ST6GALNAC3: variants seen among roughly 807,000 people sequenced by gnomAD.
ST6GALNAC3 encodes alpha-N-acetylgalactosaminide alpha-2,6-sialyltransferase 3.
ST6GALNAC3 carries 25 observed loss-of-function variants against 32.7 expected under a neutral mutation model. That is an observed-to-expected ratio of 0.76 (90% CI 0.56 to 1.07). The LOEUF (loss-of-function observed/expected upper bound fraction) is 1.07. ST6GALNAC3 is among the 50% of genes least tolerant of loss of function. The pLI, the probability that ST6GALNAC3 is intolerant of heterozygous loss-of-function variation, is 0.00. For missense variants in ST6GALNAC3, 355 were observed against 382.4 expected, an observed-to-expected ratio of 0.93 and a Z score of 0.60; for synonymous variants, 129 against 133.1, an observed-to-expected ratio of 0.97 and a Z score of 0.21.
chr1:76,419,331 A>G (rs530215686), intron 3 of ST6GALNAC3, among the ~76,000 whole-genome samples: 11 of 152,272 alleles, frequency 7.2e-5, no homozygotes, highest in African/African-American at 2.6e-4. Context: ...TGTATGCTCA[A>G]CAGTTCTCTA....
rs537200385 is a variant in ST6GALNAC3, at chr1:76,283,322, T to A, written c.19-30483T>A. On this transcript the variant is annotated intron_variant, in intron 1 of 4. Coordinates refer to ENST00000328299, the MANE Select transcript of ST6GALNAC3 (RefSeq NM_152996.4). Reference sequence around the variant, plus strand: ...CTCACATTGAGCTTTGCTATACTACTTTGTTACCTGAATTGGTAATGGTTT... The same window carrying A: ...CTCACATTGAGCTTTGCTATACTACATTGTTACCTGAATTGGTAATGGTTT... Among the ~76,000 whole-genome samples the A allele has an allele frequency of 7.2e-5, 11 of 152,330 alleles. No homozygotes were observed. In the South Asian group the frequency reaches 2.3e-3, roughly 32 times the overall value.
At chr1:76,238,185 A>G (rs1480848721) in intron 1 of ST6GALNAC3, among the ~76,000 whole-genome samples, 2 of 152,144 alleles carry the variant, frequency 1.3e-5, no homozygotes, top group South Asian at 2.1e-4. Context: ...TAGTTCCCAC[A>G]CTGTGCTTCC....
chr1:76,413,530 AT>A (rs1170016705), intron 3 of ST6GALNAC3, among the ~76,000 whole-genome samples: 6 of 152,124 alleles, frequency 3.9e-5, no homozygotes, highest in Non-Finnish European at 5.9e-5. Context: ...TCTGGATGTA[AT>A]TTGAATGCTG....
chr1:76,484,840 A>G (rs1443624382), intron 3 of ST6GALNAC3, among the ~76,000 whole-genome samples: 1 of 152,148 alleles, frequency 6.6e-6, no homozygotes, highest in Non-Finnish European at 1.5e-5. Flanking sequence ...CCCATTCAGT[A>G]TGATATTGGC....
At chr1:76,519,849 CATAA>C (rs977374105) in intron 3 of ST6GALNAC3, among the ~76,000 whole-genome samples, 1 of 151,360 alleles carries the variant, frequency 6.6e-6, no homozygotes, top group African/African-American at 2.4e-5. Flanking sequence ...TTGCTTTTAT[CATAA>C]ATATTTATGA....
chr1:76,294,060 A>G (rs942964978), intron 1 of ST6GALNAC3, among the ~76,000 whole-genome samples: 8 of 152,152 alleles, frequency 5.3e-5, no homozygotes, highest in Admixed American at 2.0e-4. Context: ...GAGGGACTAT[A>G]CATTTGTTCA....
intron 1 of ST6GALNAC3, among the ~76,000 whole-genome samples, chr1:76,077,748 T>C (rs1378036215): frequency 6.6e-6 from 1 of 152,238 alleles, no homozygotes; most frequent in Non-Finnish European, 1.5e-5. Flanking sequence ...GGAAATTTTA[T>C]GCCTTGCTTT....
chr1:76,127,798 T>C (rs1158701169), intron 1 of ST6GALNAC3, among the ~76,000 whole-genome samples: 1 of 152,144 alleles, frequency 6.6e-6, no homozygotes. Flanking sequence ...CCAGGAGCCA[T>C]AGAATGTGAG....
At chr1:76,449,014 G>C (rs181117129) in intron 3 of ST6GALNAC3, among the ~76,000 whole-genome samples, 28 of 152,166 alleles carry the variant, frequency 1.8e-4, no homozygotes, top group Non-Finnish European at 4.1e-4. Context: ...GTAGAGACAG[G>C]GTTTCACTAT....
At chr1:76,555,061 A>T (rs886631506) in intron 3 of ST6GALNAC3, among the ~76,000 whole-genome samples, 2 of 152,180 alleles carry the variant, frequency 1.3e-5, no homozygotes, top group East Asian at 3.9e-4. Context: ...GATTATTGCC[A>T]TTTATAAAAT....
intron 1 of ST6GALNAC3, among the ~76,000 whole-genome samples, chr1:76,263,133 T>G (rs1658337813): frequency 6.6e-6 from 1 of 152,138 alleles, no homozygotes; most frequent in South Asian, 2.1e-4. Flanking sequence ...AAAATTAAAT[T>G]GAAAAAACAA....
At chr1:76,411,242 A>G (rs923469294) in intron 2 of ST6GALNAC3, among the ~76,000 whole-genome samples, 2 of 152,148 alleles carry the variant, frequency 1.3e-5, no homozygotes, top group Non-Finnish European at 2.9e-5. Flanking sequence ...CAGCTTTATC[A>G]TCTCCAAGTC....
At chr1:76,306,498 C>T (rs747590196) in intron 1 of ST6GALNAC3, among the ~76,000 whole-genome samples, 1 of 152,096 alleles carries the variant, frequency 6.6e-6, no homozygotes, top group East Asian at 1.9e-4. Context: ...GTCAGTATGT[C>T]ACCTTCAGAC....
chr1:76,297,815 G>A (rs915083635), intron 1 of ST6GALNAC3, among the ~76,000 whole-genome samples: 5 of 151,920 alleles, frequency 3.3e-5, no homozygotes, highest in African/African-American at 1.2e-4. Flanking sequence ...TACTGTATCT[G>A]TTTGTTTTTT....
chr1:76,463,985 G>C (rs967550249), intron 3 of ST6GALNAC3, among the ~76,000 whole-genome samples: 1 of 152,010 alleles, frequency 6.6e-6, no homozygotes, highest in Non-Finnish European at 1.5e-5. Flanking sequence ...CTTCATTCAG[G>C]TGTCCTCTCC....
intron 1 of ST6GALNAC3, among the ~76,000 whole-genome samples, chr1:76,166,329 C>G (rs1652124760): frequency 6.6e-6 from 1 of 152,020 alleles, no homozygotes; most frequent in Non-Finnish European, 1.5e-5. Context: ...GGCCTTATTT[C>G]TGGGTTCTCC....
At chr1:76,337,911 G>A (rs527463991) in intron 2 of ST6GALNAC3, among the ~76,000 whole-genome samples, 11 of 152,240 alleles carry the variant, frequency 7.2e-5, no homozygotes, top group African/African-American at 2.2e-4. Context: ...AAAGGGCTGC[G>A]TGAGGTGGTA....
At chr1:76,521,005 T>C (rs1395752654) in intron 3 of ST6GALNAC3, among the ~76,000 whole-genome samples, 1 of 152,098 alleles carries the variant, frequency 6.6e-6, no homozygotes, top group East Asian at 1.9e-4. Flanking sequence ...TTTTCTTTCT[T>C]TTAGATTAAT....
At chr1:76,602,364 A>G (rs1647274826) in intron 3 of ST6GALNAC3, among the ~76,000 whole-genome samples, 3 of 151,218 alleles carry the variant, frequency 2.0e-5, no homozygotes, top group Admixed American at 1.3e-4. Flanking sequence ...TGCATGTAGA[A>G]GAAGATCATA....
Sources: gnomAD v4.1 joint callset for allele counts (sites outside exome capture counted in the v4.1 genomes callset) on GRCh38, gnomAD v4.1.1 for gene constraint, MANE v1.5 for transcripts, NCBI Gene and HGNC (gene_info 2026-07-23, HGNC 2026-07-21) for gene names.